Variants in SPART observed in about 807,000 individuals in gnomAD.
The protein encoded by SPART is spastic paraplegia 20 (Troyer syndrome).
In SPART, 35 loss-of-function variants were observed where a neutral mutation model predicts 58.7. The ratio of observed to expected loss-of-function variants is 0.60; its 90% confidence interval spans 0.46 to 0.79. The LOEUF (loss-of-function observed/expected upper bound fraction) is 0.79, where lower values mean the gene tolerates loss of function less well. SPART is among the 30% of genes least tolerant of loss of function. SPART has a pLI of 0.00. For synonymous variants in SPART, 284 were observed against 280.7 expected, an observed-to-expected ratio of 1.01 and a Z score of -0.12; for missense variants, 730 against 786.1, an observed-to-expected ratio of 0.93 and a Z score of 0.85.
chr13:36,362,170 GC>G (rs546688624), intron 1 of SPART, among the ~76,000 whole-genome samples: 6 of 152,042 alleles, frequency 3.9e-5, no homozygotes, highest in African/African-American at 1.4e-4. Flanking sequence ...GGGCAACATG[GC>G]AAAACCCCGT....
At chr13:36,321,908 C>A (rs1882444130) in intron 5 of SPART, among the ~76,000 whole-genome samples, 1 of 152,110 alleles carries the variant, frequency 6.6e-6, no homozygotes, top group African/African-American at 2.4e-5. Context: ...CGGTCCTTGC[C>A]TTAAGTGATG....
chr13:36,358,543 C>T (rs1294627855), intron 1 of SPART, among the ~76,000 whole-genome samples: 2 of 152,152 alleles, frequency 1.3e-5, no homozygotes, highest in Non-Finnish European at 1.5e-5. Flanking sequence ...TCATTCAGGA[C>T]ACAAGTAGGT....
At chr13:36,342,431 G>A (rs1291501242) in intron 1 of SPART, among the ~76,000 whole-genome samples, 1 of 152,058 alleles carries the variant, frequency 6.6e-6, no homozygotes, top group Non-Finnish European at 1.5e-5. Flanking sequence ...TTTACTATCT[G>A]GCACTTAACA....
intron 1 of SPART, among the ~76,000 whole-genome samples, chr13:36,354,866 A>T (rs1885561321): frequency 6.6e-6 from 1 of 152,162 alleles, no homozygotes; most frequent in Admixed American, 6.5e-5. Context: ...ATCTTTTTTC[A>T]CAAGAAAATA....
At chr13:36,369,409 T>C (rs2137743851) in intron 1 of SPART, 1 of 152,326 alleles carries the variant, frequency 6.6e-6, no homozygotes, top group South Asian at 2.1e-4. Context: ...GTCTCCAAAT[T>C]CTGCTGTGGT....
At chr13:36,310,393 T>A (rs1380025711) in intron 8 of SPART, among the ~76,000 whole-genome samples, 1 of 152,044 alleles carries the variant, frequency 6.6e-6, no homozygotes, top group Non-Finnish European at 1.5e-5. Context: ...TAGTATTGTA[T>A]AAAGAAAGTA....
chr13:36,340,772 C>A (rs900227459), intron 1 of SPART, among the ~76,000 whole-genome samples: 1 of 128,434 alleles, frequency 7.8e-6, no homozygotes, highest in South Asian at 2.5e-4. Flanking sequence ...TGATTGTAAG[C>A]TCTGAAAAAA....
chr13:36,312,413 A>G lies in SPART; in HGVS notation c.1548T>C (p.His516=), dbSNP rs761378922. The part of the protein sequence containing the change: ...GKELAPHVKK[H]GSKLVPESLK... ...GAGATTCTGGAACAAGTTTGCTTCC[A>G]TGCTTCTTGACATGTGGAGCTAGTT... The change falls in exon 7 of 9, where the codon CAT becomes CAC. Residue 516 remains histidine, a synonymous_variant. Coordinates refer to ENST00000438666, the MANE Select transcript of SPART (RefSeq NM_015087.5). 2.5e-6 allele frequency: 4 copies of G among 1,614,026 alleles called. No homozygotes were observed. The highest frequency in any genetic ancestry group is 2.2e-5 in the South Asian group (2 of 91,092).
rs1291092887 is a variant in SPART at position 36,301,946 on chromosome 13, T to C, written c.*2419A>G. ...TACTATAGAGCAAGTAAACCATCCATGCATATAAGCGCAAGAATGAATTTT... is the reference window on the plus strand; with the variant it reads ...TACTATAGAGCAAGTAAACCATCCACGCATATAAGCGCAAGAATGAATTTT... On this transcript the variant is annotated 3_prime_UTR_variant, in exon 9 of 9. Transcript: ENST00000438666. The C allele has an allele frequency of 1.3e-5, 2 of 152,166 alleles. No homozygotes were observed. The highest frequency in any genetic ancestry group is 4.8e-5 in the African/African-American group (2 of 41,430). The allele number at this position is 152,166 out of a possible 1,614,324, so 9.4% of individuals were successfully genotyped here.
intron 1 of SPART, among the ~76,000 whole-genome samples, chr13:36,366,720 CTTCT>C (rs1886069949): frequency 1.3e-5 from 2 of 152,262 alleles, no homozygotes; most frequent in Admixed American, 6.5e-5. Context: ...GAATTTCTTC[CTTCT>C]GTCTTTGCCC....
intron 1 of SPART, among the ~76,000 whole-genome samples, chr13:36,355,868 C>G (rs1367270631): frequency 6.6e-6 from 1 of 152,034 alleles, no homozygotes; most frequent in Non-Finnish European, 1.5e-5. Context: ...TACCTTTGCA[C>G]TAACGTAATA....
chr13:36,322,037 T>A (rs1322072726), intron 5 of SPART, among the ~76,000 whole-genome samples: 3 of 152,112 alleles, frequency 2.0e-5, no homozygotes, highest in African/African-American at 7.2e-5. Context: ...ACTGTAATTT[T>A]CCTTTACCTA....
At position 36,336,073 on chromosome 13, in the gene SPART, A is replaced by C. The variant is rs904787059; in HGVS notation, c.-2-241T>G. Among the ~76,000 whole-genome samples the C allele has an allele frequency of 2.6e-5, 4 of 152,254 alleles. No individual in the cohort carries two copies. In the East Asian group the frequency reaches 7.7e-4, roughly 29 times the overall value. ...CAAAATATCTTAATTTAAAAACATA[A>C]GAGAATAAATCAGAATACATCTATT... On this transcript the variant is annotated intron_variant, in intron 1 of 8. Transcript: ENST00000438666.
chr13:36,332,865 A>G (rs1883587160), intron 2 of SPART, among the ~76,000 whole-genome samples: 1 of 152,238 alleles, frequency 6.6e-6, no homozygotes, highest in Non-Finnish European at 1.5e-5. Context: ...AGAAAAATAC[A>G]TATTTCCCTT....
intron 5 of SPART, among the ~76,000 whole-genome samples, chr13:36,322,082 C>T (rs1305495588): frequency 6.6e-6 from 1 of 152,126 alleles, no homozygotes; most frequent in Non-Finnish European, 1.5e-5. Flanking sequence ...CCCTTATCTC[C>T]CTTTGCTGAT....
chr13:36,344,611 T>C (rs1411512151), intron 1 of SPART, among the ~76,000 whole-genome samples: 1 of 152,210 alleles, frequency 6.6e-6, no homozygotes, highest in Non-Finnish European at 1.5e-5. Flanking sequence ...TGACTGGGAT[T>C]TGCTATATCC....
At chr13:36,349,137 C>A (rs1195974123), upstream of SPART, among the ~76,000 whole-genome samples, 1 of 152,064 alleles carries the variant, frequency 6.6e-6, no homozygotes, top group African/African-American at 2.4e-5. Flanking sequence ...GTGGCGCATG[C>A]CTGTAATCCT....
Position 36,326,590 on chromosome 13 carries a change from G to C in SPART, c.1273C>G (p.His425Asp). Residue 425 changes from histidine (H) to aspartate (D), a missense_variant, in exon 5 of 9, where the codon CAC becomes GAC. Transcript: ENST00000438666. Reference sequence around the variant, plus strand: ...ACTGTAATACCTGACAAAATGTTGTGAGCCACTTTTTCACTCCATTCAGGT... The same window carrying C: ...ACTGTAATACCTGACAAAATGTTGTCAGCCACTTTTTCACTCCATTCAGGT... ...ELPEWSEKVA[H>D]NILSGASWVS... is the part of the protein sequence containing the mutation. The C allele has an allele frequency of 6.2e-7, 1 of 1,613,406 alleles. No individual in the cohort carries two copies.
chr13:36,310,056 G>C (rs1880931831), intron 8 of SPART, among the ~76,000 whole-genome samples: 1 of 152,168 alleles, frequency 6.6e-6, no homozygotes, highest in African/African-American at 2.4e-5. Context: ...TTATATCCCA[G>C]CTCTACTATT....
Sources: gnomAD v4.1 joint callset for allele counts (sites outside exome capture counted in the v4.1 genomes callset) on GRCh38, gnomAD v4.1.1 for gene constraint, MANE v1.5 for transcripts, NCBI Gene and HGNC (gene_info 2026-07-23, HGNC 2026-07-21) for gene names.